The following MED12L variants were observed in gnomAD, a reference collection of about 807,000 sequenced individuals.
The protein encoded by MED12L is mediator of RNA polymerase II transcription subunit 12-like protein.
A neutral mutation model predicts 281.3 loss-of-function variants in MED12L; 60 were observed. That is an observed-to-expected ratio of 0.21 (90% CI 0.17 to 0.26). MED12L has a LOEUF of 0.26. Ranked by LOEUF, MED12L falls within the 10% of genes least tolerant of loss-of-function variation. MED12L has a pLI of 1.00. For synonymous variants in MED12L, 974 were observed against 987.2 expected, an observed-to-expected ratio of 0.99 and a Z score of 0.25; for missense variants, 2,146 against 2,680.9, an observed-to-expected ratio of 0.80 and a Z score of 4.41.
At position 151,156,156 on chromosome 3, in the gene MED12L, T is replaced by C; in HGVS notation, c.557-5T>C. The C allele has an allele frequency of 6.3e-7, 1 of 1,587,456 alleles. No homozygotes were observed. The highest frequency in any genetic ancestry group is 1.4e-5 in the African/African-American group (1 of 73,298). ...AACTCATATTTTTCTTTTTTTAAAA[T>C]GCAGAGTGGACACAGATATCTACCA... On this transcript the variant is annotated splice_region_variant and splice_polypyrimidine_tract_variant and intron_variant, in intron 5 of 44. Transcript: ENST00000687756.
chr3:151,085,702 G>C lies in MED12L; in HGVS notation c.-364G>C, dbSNP rs1051894270. ...ACGCCGCGCCGCCGTCCGCCAACTCGGAAGCTCGCGCTCCCGGGCCGTGGG... is the reference window on the plus strand; with the variant it reads ...ACGCCGCGCCGCCGTCCGCCAACTCCGAAGCTCGCGCTCCCGGGCCGTGGG... On this transcript the variant is annotated 5_prime_UTR_variant, in exon 1 of 45. Coordinates refer to ENST00000687756, the MANE Select transcript of MED12L (RefSeq NM_001393769.1). The C allele has an allele frequency of 8.6e-5, 13 of 152,016 alleles. No homozygotes were observed. Among genetic ancestry groups the C allele is most frequent in the African/African-American group, 2.9e-4 (12 of 41,428 alleles). The allele number at this position is 152,016 out of a possible 1,614,324, so 9.4% of individuals were successfully genotyped here.
chr3:151,122,383 T>C (rs1388937811), intron 3 of MED12L, among the ~76,000 whole-genome samples: 1 of 152,236 alleles, frequency 6.6e-6, no homozygotes, highest in Non-Finnish European at 1.5e-5. Flanking sequence ...AAAGAATGAT[T>C]ACCGAGTGAT....
intron 5 of MED12L, among the ~76,000 whole-genome samples, chr3:151,148,701 A>G (rs1387159799): frequency 1.3e-5 from 2 of 152,228 alleles, no homozygotes; most frequent in African/African-American, 4.8e-5. Context: ...GTTTTAAAAA[A>G]AACAATCTCT....
At chr3:151,349,868 T>TTTA (rs1390639914) in intron 16 of MED12L, among the ~76,000 whole-genome samples, 191 bp from the exon 17 acceptor site, 1 of 151,376 alleles carries the variant, frequency 6.6e-6, no homozygotes, top group African/African-American at 2.4e-5. Context: ...TTTTTTTTTT[T>TTTA]ATAATGTTAG....
chr3:151,387,803 C>T lies in MED12L; in HGVS notation c.5089-7C>T. 6.2e-7 allele frequency: 1 copy of T among 1,602,484 alleles called. No individual in the cohort carries two copies. The highest frequency in any genetic ancestry group is 1.7e-5 in the Admixed American group (1 of 58,428). On this transcript the variant is annotated splice_region_variant and splice_polypyrimidine_tract_variant and intron_variant, in intron 36 of 44. Coordinates refer to ENST00000687756, the MANE Select transcript of MED12L (RefSeq NM_001393769.1). The stretch of plus-strand genomic sequence containing the variant: ...GTGTGCTATCTTAGAGCGCTATTTT[C>T]CCACAGGGTCTCCAGGTCTCTACGA...
chr3:151,184,194 A>G (rs1261928862), intron 11 of MED12L, among the ~76,000 whole-genome samples: 1 of 152,230 alleles, frequency 6.6e-6, no homozygotes, highest in Non-Finnish European at 1.5e-5. Flanking sequence ...ATGAATAAAA[A>G]TCTTGGAATA....
At chr3:151,190,420 C>T (rs1297657081) in intron 13 of MED12L, among the ~76,000 whole-genome samples, 1 of 152,088 alleles carries the variant, frequency 6.6e-6, no homozygotes, top group Non-Finnish European at 1.5e-5. Flanking sequence ...GATCTGTCCA[C>T]CTCAGCCTCC....
At chr3:151,249,469 TGGG>T (rs35797541) in intron 16 of MED12L, among the ~76,000 whole-genome samples, 2 of 152,032 alleles carry the variant, frequency 1.3e-5, no homozygotes, top group African/African-American at 4.8e-5. Flanking sequence ...GGTGTTAACT[TGGG>T]GGTCTTGATT....
chr3:151,305,381 T>A (rs1388617), intron 16 of MED12L, among the ~76,000 whole-genome samples: 40,811 of 152,098 alleles, frequency 0.27, 5,801 homozygotes, highest in Non-Finnish European at 0.31. Context: ...AGCCACCCAT[T>A]GGTATTTTCC....
At chr3:151,253,863 C>A (rs376191395) in intron 16 of MED12L, among the ~76,000 whole-genome samples, 4 of 152,132 alleles carry the variant, frequency 2.6e-5, no homozygotes, top group African/African-American at 9.6e-5. Context: ...AGACTTAGCT[C>A]CACTGAAAAA....
At chr3:151,418,108 C>T (rs1272088357) in intron 43 of MED12L, among the ~76,000 whole-genome samples, 1 of 152,028 alleles carries the variant, frequency 6.6e-6, no homozygotes, top group East Asian at 1.9e-4. Flanking sequence ...TTCCATAAGC[C>T]CTTTACCCAG....
intron 16 of MED12L, among the ~76,000 whole-genome samples, chr3:151,289,943 C>T (rs965845805): frequency 6.6e-6 from 1 of 151,210 alleles, no homozygotes; most frequent in African/African-American, 2.4e-5. Flanking sequence ...TGCAGTGGTG[C>T]GATCTCGGAT....
intron 13 of MED12L, among the ~76,000 whole-genome samples, chr3:151,189,609 C>T (rs759696609): frequency 4.6e-5 from 7 of 152,242 alleles, no homozygotes; most frequent in Admixed American, 2.0e-4. Flanking sequence ...GATCTGTTCC[C>T]TGAAAGAGGC....
intron 16 of MED12L, among the ~76,000 whole-genome samples, chr3:151,285,751 G>A (rs955006544): frequency 2.6e-5 from 4 of 152,198 alleles, no homozygotes; most frequent in Non-Finnish European, 4.4e-5. Context: ...TTAAGAGGTG[G>A]GGCCTTTGGG....
intron 5 of MED12L, among the ~76,000 whole-genome samples, chr3:151,148,112 G>C (rs1717978841): frequency 6.6e-6 from 1 of 152,058 alleles, no homozygotes; most frequent in East Asian, 1.9e-4. Flanking sequence ...ATCGGCTAAT[G>C]GTGTTGACCA....
At chr3:151,121,226 T>G (rs964075132) in intron 3 of MED12L, among the ~76,000 whole-genome samples, 5 of 152,370 alleles carry the variant, frequency 3.3e-5, no homozygotes, top group African/African-American at 1.2e-4. Flanking sequence ...CCTACATTTT[T>G]GCACTTAATT....
In MED12L at chr3:151,433,008, C is replaced by T. The variant is rs1560159778; in HGVS notation, c.*204C>T. Reference sequence around the variant, plus strand: ...TTGTGGTTTGATTTTGTTGAATTCACCTTTAAAGTAGGTTTACAAATGTGA... The same window carrying T: ...TTGTGGTTTGATTTTGTTGAATTCATCTTTAAAGTAGGTTTACAAATGTGA... On this transcript the variant is annotated 3_prime_UTR_variant, in exon 45 of 45. Transcript: ENST00000687756. The T allele has an allele frequency of 1.1e-5, 6 of 524,348 alleles. No homozygotes were observed. The highest frequency in any genetic ancestry group is 1.4e-5 in the Non-Finnish European group (4 of 295,302). 32.5% of individuals were successfully genotyped at this position (524,348 alleles called of 1,614,324 possible).
chr3:151,375,869 T>G (rs1408037428), intron 27 of MED12L, among the ~76,000 whole-genome samples, 157 bp from the exon 28 acceptor site: 2 of 152,084 alleles, frequency 1.3e-5, no homozygotes, highest in Non-Finnish European at 2.9e-5. Flanking sequence ...AAAATTTTGT[T>G]TTTTAAAATT....
intron 16 of MED12L, among the ~76,000 whole-genome samples, chr3:151,313,878 C>A (rs1443617608): frequency 3.3e-5 from 5 of 150,932 alleles, no homozygotes; most frequent in African/African-American, 9.8e-5. Context: ...GAGCAAAGAT[C>A]ACGCGACTGC....
Sources: allele counts gnomAD v4.1 joint callset (sites outside exome capture counted in the v4.1 genomes callset), GRCh38; gene constraint gnomAD v4.1.1; transcripts MANE v1.5; gene names NCBI Gene and HGNC (gene_info 2026-07-23, HGNC 2026-07-21).